Variants in LRIG1 observed in about 807,000 individuals in gnomAD.
LRIG1 encodes leucine-rich repeats and immunoglobulin-like domains protein 1.
Under a neutral mutation model 99.2 loss-of-function variants are expected in LRIG1, and 48 were observed. That is an observed-to-expected ratio of 0.48 (90% CI 0.38 to 0.62). The LOEUF is 0.62. Among genes scored for constraint, LRIG1 ranks in the 20% least tolerant of loss-of-function variants. The pLI, the probability that LRIG1 is intolerant of heterozygous loss-of-function variation, is 0.00. For synonymous variants in LRIG1, 772 were observed against 596.1 expected, an observed-to-expected ratio of 1.29 and a Z score of -4.30; for missense variants, 1,646 against 1,434.4, an observed-to-expected ratio of 1.15 and a Z score of -2.38.
intron 1 of LRIG1, among the ~76,000 whole-genome samples, chr3:66,470,549 A>G (rs896693467): frequency 2.6e-5 from 4 of 152,218 alleles, no homozygotes; most frequent in African/African-American, 9.6e-5. Flanking sequence ...GTTGAGAAGA[A>G]TAGCCCCATG....
chr3:66,500,759 T>G lies in LRIG1; in HGVS notation c.-352A>C, dbSNP rs927688006. On this transcript the variant is annotated 5_prime_UTR_variant, in exon 1 of 19. Coordinates refer to ENST00000273261, the MANE Select transcript of LRIG1 (RefSeq NM_015541.3). ...TACCGACACCGGCCGAGGGCAGTGC[T>G]GCCGCTGCGCCTGGAAGACAGGCGT... The G allele has an allele frequency of 5.8e-6, 1 of 171,454 alleles. No individual in the cohort carries two copies. Among genetic ancestry groups the G allele is most frequent in the Non-Finnish European group, 1.2e-5 (1 of 81,176 alleles). 10.6% of individuals were successfully genotyped at this position (171,454 alleles called of 1,614,324 possible).
intron 1 of LRIG1, among the ~76,000 whole-genome samples, chr3:66,494,499 G>A (rs1701184707): frequency 6.6e-6 from 1 of 152,082 alleles, no homozygotes; most frequent in African/African-American, 2.4e-5. Context: ...AAGATATAAA[G>A]AACTAAAGGC....
At chr3:66,439,342 T>C (rs980893278) in intron 3 of LRIG1, among the ~76,000 whole-genome samples, 4 of 152,230 alleles carry the variant, frequency 2.6e-5, no homozygotes, top group Non-Finnish European at 2.9e-5. Flanking sequence ...AAAAGTACAT[T>C]TGATTTGCAG....
intron 1 of LRIG1, among the ~76,000 whole-genome samples, chr3:66,497,046 T>C (rs1701243210): frequency 6.6e-6 from 1 of 152,176 alleles, no homozygotes; most frequent in Non-Finnish European, 1.5e-5. Flanking sequence ...TACAAAGAGA[T>C]CAAAATCAAT....
intron 1 of LRIG1, among the ~76,000 whole-genome samples, chr3:66,475,242 G>C (rs1700694373): frequency 6.6e-6 from 1 of 152,210 alleles, no homozygotes; most frequent in Non-Finnish European, 1.5e-5. Context: ...CCTAAATCAA[G>C]TGACTCCAAC....
At chr3:66,443,765 GC>G (rs1219708764) in intron 3 of LRIG1, among the ~76,000 whole-genome samples, 2 of 152,176 alleles carry the variant, frequency 1.3e-5, no homozygotes, top group Non-Finnish European at 2.9e-5. Flanking sequence ...GCATGTGCTG[GC>G]CAACTTCACA....
At chr3:66,397,448 TAAAA>T (rs386396916) in intron 11 of LRIG1, among the ~76,000 whole-genome samples, 2 of 131,474 alleles carry the variant, frequency 1.5e-5, no homozygotes, top group Non-Finnish European at 3.2e-5. Flanking sequence ...CATGTCTAGC[TAAAA>T]AAAAAAAAAA....
chr3:66,383,831 G>C (rs1340831617), intron 14 of LRIG1, among the ~76,000 whole-genome samples, 160 bp downstream of exon 14: 1 of 152,078 alleles, frequency 6.6e-6, no homozygotes, highest in African/African-American at 2.4e-5. Context: ...AGAAACACTT[G>C]TTTAAGAAAA....
At position 66,380,649 on chromosome 3, in the gene LRIG1, G is replaced by GCGACCCT; in HGVS notation, c.2976_2982dup (p.Leu995ArgfsTer7). ...ATTCTATCGTGGTTACTGGGGTAGAGCGACCCTTGGCACTCGGGGCAGGAC... is the reference window on the plus strand; with the variant it reads ...ATTCTATCGTGGTTACTGGGGTAGAGCGACCCTCGACCCTTGGCACTCGGGGCAGGAC... On this transcript the variant is annotated frameshift_variant, in exon 18 of 19. Transcript: ENST00000273261. LOFTEE classifies it high-confidence loss of function. 6.2e-7 allele frequency: 1 copy of GCGACCCT among 1,614,188 alleles called. No homozygotes were observed. The highest frequency in any genetic ancestry group is 8.5e-7 in the Non-Finnish European group (1 of 1,180,032).
At chr3:66,451,482 G>A in intron 3 of LRIG1, 77 bp downstream of exon 3, 1 of 1,238,802 alleles carries the variant, frequency 8.1e-7, no homozygotes, top group Non-Finnish European at 1.2e-6. Context: ...AAGTTATCCT[G>A]CCACCAGGTA....
intron 2 of LRIG1, among the ~76,000 whole-genome samples, chr3:66,458,272 T>C (rs553082882): frequency 9.2e-5 from 14 of 152,310 alleles, no homozygotes; most frequent in African/African-American, 2.9e-4. Flanking sequence ...TGGGCCACTA[T>C]GTCCAGCTAA....
chr3:66,409,940 T>A (rs1355491979), intron 7 of LRIG1, 189 bp downstream of exon 7: 1 of 525,602 alleles, frequency 1.9e-6, no homozygotes, highest in Non-Finnish European at 3.3e-6. Context: ...GAAGGGGAGA[T>A]GAGGAAGGGA....
intron 1 of LRIG1, among the ~76,000 whole-genome samples, chr3:66,473,279 G>C (rs1700644893): frequency 6.6e-6 from 1 of 152,210 alleles, no homozygotes; most frequent in Non-Finnish European, 1.5e-5. Context: ...ATAAGTGGGT[G>C]TAACTACCTT....
At chr3:66,465,478 C>G (rs907688281) in intron 1 of LRIG1, among the ~76,000 whole-genome samples, 4 of 149,854 alleles carry the variant, frequency 2.7e-5, no homozygotes, top group African/African-American at 9.8e-5. Flanking sequence ...ATTCTCCTAC[C>G]TCAGCCTCCA....
chr3:66,488,476 A>AC (rs1553726713), intron 1 of LRIG1, among the ~76,000 whole-genome samples: 2 of 150,658 alleles, frequency 1.3e-5, no homozygotes, highest in African/African-American at 2.4e-5. Flanking sequence ...AAAAAAAACA[A>AC]AAAAAAAAAA....
At chr3:66,497,466 T>G (rs1701252524) in intron 1 of LRIG1, among the ~76,000 whole-genome samples, 1 of 152,128 alleles carries the variant, frequency 6.6e-6, no homozygotes, top group Non-Finnish European at 1.5e-5. Context: ...TTTATGAATG[T>G]GCTAGTTGGA....
chr3:66,383,881 G>C (rs1351078732), intron 14 of LRIG1, 110 bp downstream of exon 14: 27 of 1,429,940 alleles, frequency 1.9e-5, no homozygotes, highest in East Asian at 1.2e-4. Flanking sequence ...TTTCAAACAG[G>C]GTCGAAAGGC....
chr3:66,442,802 G>C (rs1030005582), intron 3 of LRIG1, among the ~76,000 whole-genome samples: 1 of 152,114 alleles, frequency 6.6e-6, no homozygotes, highest in Non-Finnish European at 1.5e-5. Flanking sequence ...AAAAGCTACC[G>C]AGTTTCCAAA....
chr3:66,398,486 C>A (rs1701938017), intron 10 of LRIG1, among the ~76,000 whole-genome samples: 1 of 152,190 alleles, frequency 6.6e-6, no homozygotes, highest in South Asian at 2.1e-4. Flanking sequence ...ATACATGAGG[C>A]ATCCTCCCCA....
Sources: gnomAD v4.1 joint callset for allele counts (sites outside exome capture counted in the v4.1 genomes callset) on GRCh38, gnomAD v4.1.1 for gene constraint, MANE v1.5 for transcripts, NCBI Gene and HGNC (gene_info 2026-07-23, HGNC 2026-07-21) for gene names.